KIAA0232: variants seen among roughly 807,000 people sequenced by gnomAD.
KIAA0232 encodes uncharacterized protein KIAA0232.
A neutral mutation model predicts 122.0 loss-of-function variants in KIAA0232; 27 were observed. The ratio of observed to expected loss-of-function variants is 0.22; its 90% CI spans 0.16 to 0.31. KIAA0232 has a LOEUF of 0.31. KIAA0232 is among the 10% of genes least tolerant of loss of function. The pLI is 1.00. For synonymous variants in KIAA0232, 613 were observed against 587.6 expected (o/e 1.04, Z -0.63); for missense variants, 1,551 against 1,634.2 (o/e 0.95, Z 0.88).
chr4:6,815,546 A>C (rs985751602), intron 2 of KIAA0232, among the ~76,000 whole-genome samples: 7 of 152,168 alleles, frequency 4.6e-5, no homozygotes, highest in African/African-American at 1.7e-4. Context: ...GAACATTTAG[A>C]TCTGTCATTA....
At chr4:6,799,486 A>G (rs1717280667) in intron 1 of KIAA0232, among the ~76,000 whole-genome samples, 1 of 151,872 alleles carries the variant, frequency 6.6e-6, no homozygotes, top group Non-Finnish European at 1.5e-5. Context: ...TCATCTCTTT[A>G]CATTAAAGCT....
chr4:6,832,699 A>G (rs1719059841), intron 3 of KIAA0232, among the ~76,000 whole-genome samples: 1 of 152,192 alleles, frequency 6.6e-6, no homozygotes, highest in Non-Finnish European at 1.5e-5. Flanking sequence ...CCAGCCCTTA[A>G]AACAGTTCCT....
At chr4:6,823,397 A>G (rs1291385172) in intron 2 of KIAA0232, among the ~76,000 whole-genome samples, 3 of 152,208 alleles carry the variant, frequency 2.0e-5, no homozygotes, top group Non-Finnish European at 2.9e-5. Context: ...TCCCACCAAC[A>G]GTGTAAGAAG....
At chr4:6,783,721 C>G (rs1482014530) in intron 1 of KIAA0232, among the ~76,000 whole-genome samples, 1 of 151,154 alleles carries the variant, frequency 6.6e-6, no homozygotes, top group Non-Finnish European at 1.5e-5. Context: ...CGGGCGGGGC[C>G]GGTGCGGCGC....
intron 9 of KIAA0232, among the ~76,000 whole-genome samples, chr4:6,878,695 A>G (rs1313554599): frequency 1.3e-5 from 2 of 152,094 alleles, no homozygotes; most frequent in East Asian, 1.9e-4. Context: ...CTTCATTCCT[A>G]AAGAGTCTGA....
intron 3 of KIAA0232, among the ~76,000 whole-genome samples, chr4:6,830,129 T>C (rs1458836206): frequency 6.6e-6 from 1 of 152,250 alleles, no homozygotes; most frequent in Non-Finnish European, 1.5e-5. Flanking sequence ...TATCATGTGC[T>C]GTGTGCCAGC....
At chr4:6,836,485 C>G (rs138168350) in intron 3 of KIAA0232, among the ~76,000 whole-genome samples, 155 of 141,752 alleles carry the variant, frequency 1.1e-3, no homozygotes, top group African/African-American at 3.6e-3. Context: ...GTTTCTCACT[C>G]TATTGTGCTT....
chr4:6,844,877 A>C (rs1004990519), intron 4 of KIAA0232, among the ~76,000 whole-genome samples: 1 of 152,196 alleles, frequency 6.6e-6, no homozygotes, highest in African/African-American at 2.4e-5. Context: ...GGAAGAATAG[A>C]AATATATGTA....
At chr4:6,831,254 C>G (rs1718960947) in intron 3 of KIAA0232, among the ~76,000 whole-genome samples, 1 of 152,050 alleles carries the variant, frequency 6.6e-6, no homozygotes, top group African/African-American at 2.4e-5. Flanking sequence ...CAGGGTTTCA[C>G]TATGTTGGTC....
At chr4:6,786,497 C>T (rs925574937) in intron 1 of KIAA0232, among the ~76,000 whole-genome samples, 24 of 152,012 alleles carry the variant, frequency 1.6e-4, no homozygotes, top group Non-Finnish European at 2.5e-4. Context: ...TTTGTAGAAA[C>T]GGGTCTCCCT....
chr4:6,791,155 G>A (rs182406447), intron 1 of KIAA0232, among the ~76,000 whole-genome samples: 10 of 150,058 alleles, frequency 6.7e-5, no homozygotes, highest in African/African-American at 2.4e-4. Context: ...CCTGAGCTCA[G>A]GCAGTCCGCC....
At position 6,861,657 on chromosome 4, in the gene KIAA0232, A is replaced by T. The variant is rs375882433; in HGVS notation, c.1275A>T (p.Arg425=). ...SRKSKLETTY[R]NRQDTSDLTS... Reference sequence around the variant, plus strand: ...AAAGTAAACTAGAGACCACATACCGAAACAGACAGGATACAAGTGATCTGA... The same window carrying T: ...AAAGTAAACTAGAGACCACATACCGTAACAGACAGGATACAAGTGATCTGA... The change falls in exon 7 of 10, where the codon CGA becomes CGT. Residue 425 remains arginine, a synonymous_variant. Transcript: ENST00000307659. The T allele has an allele frequency of 8.7e-6, 14 of 1,613,984 alleles. No homozygotes were observed. The African/African-American group carries it at 1.9e-4, about 22-fold the overall frequency.
At chr4:6,810,849 A>C (rs1436900805) in intron 2 of KIAA0232, among the ~76,000 whole-genome samples, 1 of 152,216 alleles carries the variant, frequency 6.6e-6, no homozygotes, top group Non-Finnish European at 1.5e-5. Context: ...ATCACCAGTC[A>C]TCAGAGAAAT....
chr4:6,798,746 C>T (rs1717246041), intron 1 of KIAA0232, among the ~76,000 whole-genome samples: 1 of 152,122 alleles, frequency 6.6e-6, no homozygotes, highest in East Asian at 1.9e-4. Flanking sequence ...GAAATGGAGC[C>T]TCCCTGTGTT....
chr4:6,783,950 C>G (rs1415143601), intron 1 of KIAA0232, among the ~76,000 whole-genome samples: 1 of 152,150 alleles, frequency 6.6e-6, no homozygotes, highest in Non-Finnish European at 1.5e-5. Context: ...TCGTCTTGCC[C>G]TAGAATTCAG....
At chr4:6,859,123 A>C (rs949346651) in intron 6 of KIAA0232, among the ~76,000 whole-genome samples, 1 of 142,712 alleles carries the variant, frequency 7.0e-6, no homozygotes, top group Admixed American at 7.0e-5. Context: ...AAAAAAAAAA[A>C]CAAGAAAGAA....
intron 2 of KIAA0232, among the ~76,000 whole-genome samples, chr4:6,817,484 G>C (rs527294672): frequency 8.5e-5 from 13 of 152,278 alleles, no homozygotes; most frequent in African/African-American, 3.1e-4. Context: ...CAAAGTGCTG[G>C]GATTACAGGC....
chr4:6,817,986 C>T (rs191747234), intron 2 of KIAA0232, among the ~76,000 whole-genome samples: 13 of 152,288 alleles, frequency 8.5e-5, no homozygotes, highest in Admixed American at 6.5e-4. Flanking sequence ...GATGTAGACA[C>T]TCTAGCTTTT....
chr4:6,839,494 G>T (rs1463011391), intron 3 of KIAA0232, among the ~76,000 whole-genome samples: 1 of 152,172 alleles, frequency 6.6e-6, no homozygotes, highest in East Asian at 1.9e-4. Context: ...AAATGTGAAT[G>T]CATCAATACA....
Sources: allele counts gnomAD v4.1 joint callset (sites outside exome capture counted in the v4.1 genomes callset), GRCh38; gene constraint gnomAD v4.1.1; transcripts MANE v1.5; gene names NCBI Gene and HGNC (gene_info 2026-07-23, HGNC 2026-07-21).